ACAP2: variants seen among roughly 807,000 people sequenced by gnomAD.
The protein encoded by ACAP2 is ArfGAP with coiled-coil, ankyrin repeat and PH domains 2.
ACAP2 carries 39 observed loss-of-function variants against 115.8 expected under a neutral mutation model. The observed-to-expected ratio is 0.34, with a 90% CI of 0.26 to 0.44. The LOEUF (loss-of-function observed/expected upper bound fraction) is 0.44, where lower values mean the gene tolerates loss of function less well. ACAP2 is among the 20% of genes least tolerant of loss of function. ACAP2 has a pLI of 1.00. For synonymous variants in ACAP2, 289 were observed against 315.8 expected (o/e 0.92, Z 0.90); for missense variants, 662 against 927.6 (o/e 0.71, Z 3.72).
intron 20 of ACAP2, 70 bp downstream of exon 20, chr3:195,291,636 A>T: frequency 1.5e-6 from 2 of 1,363,700 alleles, no homozygotes; most frequent in Non-Finnish European, 2.0e-6. Context: ...TAACCTAAGA[A>T]AAACTAAAAC....
At chr3:195,437,820 A>C (rs1327084890) in intron 1 of ACAP2, among the ~76,000 whole-genome samples, 1 of 148,938 alleles carries the variant, frequency 6.7e-6, no homozygotes, top group Non-Finnish European at 1.5e-5. Flanking sequence ...GTCTCAAAAA[A>C]AAAAAAAAAA....
At chr3:195,382,471 G>A (rs951654579) in intron 2 of ACAP2, among the ~76,000 whole-genome samples, 18 of 151,162 alleles carry the variant, frequency 1.2e-4, no homozygotes, top group Admixed American at 2.6e-4. Context: ...TCTCTCTCCC[G>A]TCCTTCTTCT....
At chr3:195,393,886 G>T (rs200219962) in intron 1 of ACAP2, among the ~76,000 whole-genome samples, 7 of 66,712 alleles carry the variant, frequency 1.0e-4, no homozygotes, top group African/African-American at 4.1e-4. Context: ...TATTATATTG[G>T]GGGGGGGGGA....
At chr3:195,290,811 T>G (rs755431725) in intron 20 of ACAP2, among the ~76,000 whole-genome samples, 5 of 131,732 alleles carry the variant, frequency 3.8e-5, no homozygotes, top group Non-Finnish European at 6.3e-5. Flanking sequence ...AGACTTTATC[T>G]CAAAATAAAT....
At chr3:195,394,256 A>C (rs1711561540) in intron 1 of ACAP2, among the ~76,000 whole-genome samples, 1 of 152,258 alleles carries the variant, frequency 6.6e-6, no homozygotes, top group Admixed American at 6.5e-5. Flanking sequence ...AGCAGTACAG[A>C]CACGCAAACA....
At chr3:195,314,252 G>A (rs912954927) in intron 10 of ACAP2, among the ~76,000 whole-genome samples, 1 of 151,132 alleles carries the variant, frequency 6.6e-6, no homozygotes, top group African/African-American at 2.4e-5. Flanking sequence ...CTTATTTATG[G>A]GAGAAAGAAG....
Position 195,307,253 on chromosome 3 carries a change from C to T in ACAP2, c.980G>A (p.Arg327Gln). 1.2e-6 allele frequency: 2 copies of T among 1,613,454 alleles called. No homozygotes were observed. Among genetic ancestry groups the T allele is most frequent in the Non-Finnish European group, 1.7e-6 (2 of 1,179,580 alleles). Residue 327 changes from arginine to glutamine, a missense_variant, in exon 12 of 23, where the codon CGA becomes CAA. Physicochemically the swap from Arg to Gln is conservative, Grantham distance 43. Around this residue, in one of 3 missense-constraint regions of ACAP2, gnomAD observed 401 missense variants for 604.4 expected, o/e 0.66. Transcript: ENST00000326793. ...TGGCGAGACCACCTCAAAGCAGAAT[C>T]GTCGCTCTATGTCTTCACAATGTTT... is the stretch of plus-strand genomic sequence containing the variant. ...TVKHCEDIER[R>Q]FCFEVVSPTK...
At chr3:195,384,525 A>G (rs1405817237) in intron 2 of ACAP2, among the ~76,000 whole-genome samples, 1 of 151,970 alleles carries the variant, frequency 6.6e-6, no homozygotes, top group Non-Finnish European at 1.5e-5. Context: ...TCAGGAGTTC[A>G]AGACCAGCCT....
At position 195,276,013 on chromosome 3, in the gene ACAP2, A is replaced by C. The variant is rs960488154; in HGVS notation, c.*3315T>G. On this transcript the variant is annotated 3_prime_UTR_variant, in exon 23 of 23. Coordinates refer to ENST00000326793, the MANE Select transcript of ACAP2 (RefSeq NM_012287.6). Reference sequence around the variant, plus strand: ...TTTTCCAGCTCATGTCCATGATCCAAAGTGATATTATACACAAGTGTTATC... The same window carrying C: ...TTTTCCAGCTCATGTCCATGATCCACAGTGATATTATACACAAGTGTTATC... 1 of 152,646 alleles carries C rather than the reference A, an allele frequency of 6.6e-6. No individual in the cohort carries two copies. Among genetic ancestry groups the C allele is most frequent in the African/African-American group, 2.4e-5 (1 of 41,452 alleles). The allele number at this position is 152,646 out of a possible 1,614,324, so 9.5% of individuals were successfully genotyped here.
At position 195,295,561 on chromosome 3, in the gene ACAP2, C is replaced by T. The variant is rs1298525312; in HGVS notation, c.1672+147G>A. The T allele has an allele frequency of 1.4e-5, 12 of 834,798 alleles. No individual in the cohort carries two copies. In the East Asian group the frequency reaches 3.2e-4, roughly 22 times the overall value. The allele number at this position is 834,798 out of a possible 1,614,324, so 51.7% of individuals were successfully genotyped here. ...TGTTTAAAGTTAACTATTTTAAAGA[C>T]ACAGAAATTCAGTTTTTCTTAGAAT... On this transcript the variant is annotated intron_variant, in intron 17 of 22. Coordinates refer to ENST00000326793, the MANE Select transcript of ACAP2 (RefSeq NM_012287.6).
rs1472010804 is a variant in ACAP2 at position 195,311,101 on chromosome 3, TTG to T, written c.858-2266_858-2265del. Among the ~76,000 whole-genome samples, 6 of 47,392 alleles carry T rather than the reference TTG, an allele frequency of 1.3e-4. No individual in the cohort carries two copies. The East Asian group carries it at 9.4e-3, about 75-fold the overall frequency. 31.1% of individuals were successfully genotyped at this position (47,392 alleles called of 152,430 possible). A position where few individuals can be genotyped will look rare whatever the true frequency, so the allele number is the denominator to read the frequency against. ...TCATTGTGGTTTTTTTGTTTTTTTT[TTG>T]TTTTTTTTTTTGAAGCAGAGTCTCA... On this transcript the variant is annotated intron_variant, in intron 10 of 22. Transcript: ENST00000326793.
At chr3:195,442,370 C>G (rs917060732) in intron 1 of ACAP2, 1 of 222,824 alleles carries the variant, frequency 4.5e-6, no homozygotes, top group African/African-American at 2.3e-5. Context: ...TGAAAGCTCC[C>G]TCAAAGAGGG....
chr3:195,399,240 C>T (rs1357009715), intron 1 of ACAP2, among the ~76,000 whole-genome samples: 1 of 152,210 alleles, frequency 6.6e-6, no homozygotes, highest in African/African-American at 2.4e-5. Flanking sequence ...AAAGTCTCCT[C>T]TGCATAGTTC....
intron 1 of ACAP2, among the ~76,000 whole-genome samples, chr3:195,405,700 G>A (rs1178856940): frequency 6.6e-6 from 1 of 150,942 alleles, no homozygotes; most frequent in Non-Finnish European, 1.5e-5. Context: ...AAAAAAAAAA[G>A]TATCTGAGAC....
chr3:195,290,101 A>C (rs1577240701), intron 20 of ACAP2, among the ~76,000 whole-genome samples: 1 of 152,198 alleles, frequency 6.6e-6, no homozygotes, highest in East Asian at 1.9e-4. Context: ...TGGCTGGGCA[A>C]GGTAAGCACC....
At chr3:195,337,806 T>C (rs1012544866) in intron 6 of ACAP2, among the ~76,000 whole-genome samples, 2 of 152,218 alleles carry the variant, frequency 1.3e-5, no homozygotes, top group South Asian at 2.1e-4. Flanking sequence ...TCCAACTTCC[T>C]ACCATGGCCG....
intron 13 of ACAP2, among the ~76,000 whole-genome samples, chr3:195,303,372 G>C (rs368297608): frequency 6.7e-6 from 1 of 149,910 alleles, no homozygotes; most frequent in African/African-American, 2.5e-5. Context: ...TCATGCCACC[G>C]CACTCCAGCC....
At chr3:195,335,722 A>G (rs1398129657) in intron 7 of ACAP2, among the ~76,000 whole-genome samples, 1 of 152,172 alleles carries the variant, frequency 6.6e-6, no homozygotes, top group East Asian at 1.9e-4. Flanking sequence ...ATATATACAT[A>G]AAATTTAGAA....
chr3:195,389,174 C>CA (rs1281612219), intron 2 of ACAP2, among the ~76,000 whole-genome samples: 2 of 152,028 alleles, frequency 1.3e-5, no homozygotes, highest in Non-Finnish European at 2.9e-5. Flanking sequence ...TTGGGTAAGA[C>CA]AGACTCTAGA....
Sources: allele counts gnomAD v4.1 joint callset (sites outside exome capture counted in the v4.1 genomes callset), GRCh38; gene constraint gnomAD v4.1.1; regional missense constraint gnomAD v4.1.1; transcripts MANE v1.5; gene names NCBI Gene and HGNC (gene_info 2026-07-23, HGNC 2026-07-21).